BUB1B: variants seen among roughly 807,000 people sequenced by gnomAD.
BUB1B encodes mitotic checkpoint serine/threonine-protein kinase BUB1 beta.
BUB1B carries 86 observed loss-of-function variants against 137.7 expected under a neutral mutation model. The observed-to-expected ratio is 0.62, with a 90% CI of 0.52 to 0.75. The LOEUF (loss-of-function observed/expected upper bound fraction) is 0.75. Among genes scored for constraint, BUB1B ranks in the 30% least tolerant of loss-of-function variants. The pLI is 0.00. For missense variants in BUB1B, 1,130 were observed against 1,236.9 expected (o/e 0.91, Z 1.30); for synonymous variants, 420 against 417.9 (o/e 1.00, Z -0.06).
intron 5 of BUB1B, among the ~76,000 whole-genome samples, chr15:40,181,113 A>G (rs929463180): frequency 2.1e-5 from 3 of 143,446 alleles, no homozygotes; most frequent in Non-Finnish European, 3.0e-5. Flanking sequence ...TTTTTTTTAG[A>G]CAGAGTCTAG....
intron 5 of BUB1B, 78 bp from the exon 6 acceptor site, chr15:40,183,636 T>G: frequency 7.4e-7 from 1 of 1,358,058 alleles, no homozygotes; most frequent in South Asian, 1.2e-5. Context: ...CTAATTTGTT[T>G]ACTTTAACAA....
intron 12 of BUB1B, 146 bp downstream of exon 12, chr15:40,201,126 G>T: frequency 1.5e-6 from 1 of 674,712 alleles, no homozygotes; most frequent in Non-Finnish European, 2.5e-6. Flanking sequence ...TATGCTTTAT[G>T]ATAGGAAAGA....
At chr15:40,206,076 T>C in intron 14 of BUB1B, 108 bp from the exon 15 acceptor site, 3 of 1,127,418 alleles carry the variant, frequency 2.7e-6, no homozygotes, top group Non-Finnish European at 4.0e-6. Flanking sequence ...GATATTCTGA[T>C]ATGCTATTTC....
Position 40,221,092 on chromosome 15 carries a change from A to G in BUB1B, c.*333A>G, listed in dbSNP as rs2037900663. The G allele has an allele frequency of 2.9e-6, 1 of 349,566 alleles. No individual in the cohort carries two copies. Among genetic ancestry groups the G allele is most frequent in the Non-Finnish European group, 5.3e-6 (1 of 188,508 alleles). The allele number at this position is 349,566 out of a possible 1,614,324, so 21.7% of individuals were successfully genotyped here. A position where few individuals can be genotyped will look rare whatever the true frequency, so the allele number is the denominator to read the frequency against. On this transcript the variant is annotated 3_prime_UTR_variant, in exon 23 of 23. Coordinates refer to ENST00000287598, the MANE Select transcript of BUB1B (RefSeq NM_001211.6). ...AAATGTTCTCTTATGATCACCATGTATTTTGTAAATAATAAAATAGTATCT... is the reference window on the plus strand; with the variant it reads ...AAATGTTCTCTTATGATCACCATGTGTTTTGTAAATAATAAAATAGTATCT...
In BUB1B at chr15:40,183,795, A is replaced by T. The variant is rs774346563; in HGVS notation, c.663A>T (p.Val221=). The T allele has an allele frequency of 6.2e-7, 1 of 1,614,136 alleles. No individual in the cohort carries two copies. Among genetic ancestry groups the T allele is most frequent in the Non-Finnish European group, 8.5e-7 (1 of 1,179,996 alleles). Residue 221 remains valine (V), a synonymous_variant, in exon 6 of 23, where the codon GTA becomes GTT. Coordinates refer to ENST00000287598, the MANE Select transcript of BUB1B (RefSeq NM_001211.6). The stretch of plus-strand genomic sequence containing the variant: ...AGGAGGAAGTTTTTGAGTCTTCTGT[A>T]CCACAACGAAGCACACTAGCTGAAC... ...EEEEEVFESS[V]PQRSTLAELK...
At chr15:40,175,865 T>G (rs2037217428) in intron 4 of BUB1B, among the ~76,000 whole-genome samples, 1 of 152,184 alleles carries the variant, frequency 6.6e-6, no homozygotes, top group Non-Finnish European at 1.5e-5. Flanking sequence ...CTGGCTGAAA[T>G]ACCCTTCCCT....
chr15:40,214,848 C>G (rs531180498), intron 20 of BUB1B, among the ~76,000 whole-genome samples: 1 of 149,408 alleles, frequency 6.7e-6, no homozygotes, highest in African/African-American at 2.5e-5. Flanking sequence ...CCCACCCACC[C>G]AATTAAGTGC....
chr15:40,199,411 C>G (rs948479356), intron 9 of BUB1B, among the ~76,000 whole-genome samples: 5 of 152,148 alleles, frequency 3.3e-5, no homozygotes, highest in Non-Finnish European at 7.4e-5. Context: ...TTAGTAGAAA[C>G]CTGTGTTGTT....
chr15:40,216,206 A>G (rs905244951), intron 20 of BUB1B, among the ~76,000 whole-genome samples: 3 of 152,160 alleles, frequency 2.0e-5, no homozygotes, highest in Admixed American at 2.0e-4. Context: ...TGGGAGACCA[A>G]GGCAGAGGAT....
chr15:40,176,362 T>C lies in BUB1B; in HGVS notation c.385-115T>C, dbSNP rs560719592. 322 of 977,714 alleles carry C rather than the reference T, an allele frequency of 3.3e-4. No homozygotes were observed. The African/African-American group carries it at 4.4e-3, about 13-fold the overall frequency. The allele number at this position is 977,714 out of a possible 1,614,324, so 60.6% of individuals were successfully genotyped here. A position where few individuals can be genotyped will look rare whatever the true frequency, so the allele number is the denominator to read the frequency against. ...TATGGTCCTTATCACATTGTAATAA[T>C]AGATTTTTTTTTCAATACAGGAATT... On this transcript the variant is annotated intron_variant, in intron 4 of 22. Coordinates refer to ENST00000287598, the MANE Select transcript of BUB1B (RefSeq NM_001211.6).
At chr15:40,201,088 C>G (rs940423876) in intron 12 of BUB1B, 108 bp downstream of exon 12, 1 of 969,464 alleles carries the variant, frequency 1.0e-6, no homozygotes. Context: ...GACAGGGGGA[C>G]TAGGATACTA....
chr15:40,165,555 G>A (rs551617105), intron 2 of BUB1B, among the ~76,000 whole-genome samples: 1 of 152,292 alleles, frequency 6.6e-6, no homozygotes, highest in African/African-American at 2.4e-5. Context: ...AAAAAAAGAA[G>A]TGGTCTCCAA....
chr15:40,206,101 C>T, intron 14 of BUB1B, 83 bp from the exon 15 acceptor site: 3 of 1,419,308 alleles, frequency 2.1e-6, no homozygotes, highest in Non-Finnish European at 3.0e-6. Flanking sequence ...CCCTGTGTCA[C>T]TGAGCTAATA....
At chr15:40,204,944 CTTTT>C (rs11333364) in intron 14 of BUB1B, among the ~76,000 whole-genome samples, 3 of 94,788 alleles carry the variant, frequency 3.2e-5, no homozygotes, top group Non-Finnish European at 2.1e-5. Context: ...CTGGCCAAAT[CTTTT>C]TTTTTTTTTT....
chr15:40,183,949 A>T (rs1016644511), intron 6 of BUB1B, 66 bp downstream of exon 6: 2 of 1,521,386 alleles, frequency 1.3e-6, no homozygotes, highest in Non-Finnish European at 1.8e-6. Context: ...GTAAGAAGAT[A>T]ATACATAAAT....
intron 20 of BUB1B, among the ~76,000 whole-genome samples, 200 bp downstream of exon 20, chr15:40,213,674 C>T (rs879306914): frequency 7.9e-5 from 12 of 151,904 alleles, no homozygotes; most frequent in Non-Finnish European, 1.6e-4. Flanking sequence ...TAGCTGGGAC[C>T]ACAGGCGCGC....
intron 14 of BUB1B, among the ~76,000 whole-genome samples, chr15:40,204,681 G>T (rs1293903651): frequency 1.3e-5 from 2 of 151,268 alleles, no homozygotes; most frequent in African/African-American, 4.9e-5. Context: ...CTGTCACCCA[G>T]GCTGGAGTAC....
chr15:40,185,141 A>C (rs1198095138), intron 6 of BUB1B, 24 bp from the exon 7 acceptor site: 1 of 1,575,570 alleles, frequency 6.3e-7, no homozygotes, highest in Admixed American at 1.7e-5. Flanking sequence ...ATTTTACATG[A>C]GGTTTTAATA....
At chr15:40,218,201 G>A (rs1261649600) in intron 21 of BUB1B, among the ~76,000 whole-genome samples, 1 of 152,188 alleles carries the variant, frequency 6.6e-6, no homozygotes, top group African/African-American at 2.4e-5. Flanking sequence ...AAACTCAGTA[G>A]GTCTACAAAT....
Sources: gnomAD v4.1 joint callset for allele counts (sites outside exome capture counted in the v4.1 genomes callset) on GRCh38, gnomAD v4.1.1 for gene constraint, MANE v1.5 for transcripts, NCBI Gene and HGNC (gene_info 2026-07-23, HGNC 2026-07-21) for gene names.